The following PSD3 variants were observed in gnomAD, a reference collection of about 807,000 sequenced individuals.
The protein encoded by PSD3 is PH and SEC7 domain-containing protein 3.
Under a neutral mutation model 105.5 loss-of-function variants are expected in PSD3, and 49 were observed. That is an observed-to-expected ratio of 0.46 (90% CI 0.37 to 0.59). The LOEUF (loss-of-function observed/expected upper bound fraction) is 0.59. PSD3 is among the 20% of genes least tolerant of loss of function. The pLI, the probability that PSD3 is intolerant of heterozygous loss-of-function variation, is 0.00. For synonymous variants in PSD3, 557 were observed against 457.8 expected (o/e 1.22, Z -2.77); for missense variants, 1,561 against 1,263.8 (o/e 1.24, Z -3.57).
At chr8:18,958,929 T>TTTC (rs199945573) in intron 1 of PSD3, among the ~76,000 whole-genome samples, 17,380 of 150,226 alleles carry the variant, frequency 0.12, 1,255 homozygotes, top group Non-Finnish European at 0.17. Context: ...GTTTTTTTTT[T>TTTC]TTTTCTTTTG....
chr8:18,826,760 G>C (rs1294385706), intron 4 of PSD3, among the ~76,000 whole-genome samples: 1 of 152,144 alleles, frequency 6.6e-6, no homozygotes. Context: ...AAACACCCAG[G>C]ATCAACTTTC....
At chr8:18,819,805 C>A (rs914168784) in intron 4 of PSD3, among the ~76,000 whole-genome samples, 2 of 152,132 alleles carry the variant, frequency 1.3e-5, no homozygotes, top group African/African-American at 4.8e-5. Flanking sequence ...TCTTGATCTC[C>A]TGACCTCGTG....
chr8:19,051,107 A>G (rs1486565702), intron 1 of PSD3, among the ~76,000 whole-genome samples: 1 of 152,136 alleles, frequency 6.6e-6, no homozygotes, highest in Non-Finnish European at 1.5e-5. Context: ...ACATCTGATC[A>G]TGTCTCACCT....
intron 3 of PSD3, among the ~76,000 whole-genome samples, chr8:18,871,359 TCA>T (rs759711399): frequency 2.0e-5 from 3 of 152,182 alleles, no homozygotes; most frequent in Non-Finnish European, 4.4e-5. Flanking sequence ...AGAAAAGAAT[TCA>T]CAGTTTAGTG....
chr8:18,777,768 C>A (rs1808236371), intron 8 of PSD3, among the ~76,000 whole-genome samples: 2 of 152,148 alleles, frequency 1.3e-5, no homozygotes. Flanking sequence ...TTCCTTCTAA[C>A]TATATGTTTC....
intron 2 of PSD3, among the ~76,000 whole-genome samples, chr8:18,876,914 A>C (rs1817768261): frequency 6.6e-6 from 1 of 152,136 alleles, no homozygotes; most frequent in African/African-American, 2.4e-5. Context: ...TCTCATTTGC[A>C]TTTCCCTAAT....
intron 1 of PSD3, among the ~76,000 whole-genome samples, chr8:18,969,923 T>C (rs572125291): frequency 8.5e-5 from 13 of 152,168 alleles, no homozygotes; most frequent in South Asian, 2.1e-4. Context: ...AAAATACCTA[T>C]AGCTTTAAGA....
At chr8:18,646,959 T>A (rs1339269564) in intron 10 of PSD3, among the ~76,000 whole-genome samples, 1 of 152,188 alleles carries the variant, frequency 6.6e-6, no homozygotes, top group African/African-American at 2.4e-5. Context: ...TTGGGTTGAA[T>A]GAACAATCAA....
At chr8:18,878,843 A>C (rs546801230) in intron 2 of PSD3, among the ~76,000 whole-genome samples, 1 of 152,322 alleles carries the variant, frequency 6.6e-6, no homozygotes, top group African/African-American at 2.4e-5. Flanking sequence ...TTCCAAAGGC[A>C]ATAATGTTTA....
intron 2 of PSD3, chr8:18,924,480 C>G (rs1821236895): frequency 6.6e-6 from 1 of 152,084 alleles, no homozygotes; most frequent in Admixed American, 6.5e-5. Context: ...AATTATAAAC[C>G]AACTTCTATC....
In PSD3 at chr8:18,753,780, C is replaced by G. The variant is rs562241832; in HGVS notation, c.2172+11669G>C. 2.9e-4 allele frequency among the ~76,000 whole-genome samples: 44 copies of G among 152,256 alleles called. No homozygotes were observed. The South Asian group carries it at 8.7e-3, about 30-fold the overall frequency. The stretch of plus-strand genomic sequence containing the variant: ...TTCCAATCTATTTCACACTCCCTGT[C>G]TCCTTAATCAAACCAAGTAAACAAA... On this transcript the variant is annotated intron_variant, in intron 9 of 15. Coordinates refer to ENST00000327040, the MANE Select transcript of PSD3 (RefSeq NM_015310.4).
At position 19,012,949 on chromosome 8, in the gene PSD3, T is replaced by C. The variant is rs1827022562; in HGVS notation, c.21+614A>G. Among the ~76,000 whole-genome samples, 4 of 152,190 alleles carry C rather than the reference T, an allele frequency of 2.6e-5. No individual in the cohort carries two copies. In the South Asian group the frequency reaches 8.3e-4, roughly 32 times the overall value. On this transcript the variant is annotated intron_variant, in intron 1 of 15. Coordinates refer to ENST00000327040, the MANE Select transcript of PSD3 (RefSeq NM_015310.4). ...TCGAGGGGAATGGCAAAACGAAACA[T>C]TTATTATTTAGGTCACCAACAACAT...
At chr8:18,856,492 G>A (rs997925922) in intron 4 of PSD3, among the ~76,000 whole-genome samples, 14 of 152,166 alleles carry the variant, frequency 9.2e-5, no homozygotes, top group Non-Finnish European at 1.6e-4. Context: ...TTAATACTAC[G>A]TGCTGAATCC....
At chr8:18,940,447 T>C (rs1055599845) in intron 1 of PSD3, 8 of 152,218 alleles carry the variant, frequency 5.3e-5, no homozygotes, top group African/African-American at 1.9e-4. Context: ...ACGCTCAGAC[T>C]ATCACAAAAG....
At chr8:19,064,762 C>G (rs535599007) in intron 1 of PSD3, among the ~76,000 whole-genome samples, 1 of 152,146 alleles carries the variant, frequency 6.6e-6, no homozygotes, top group Non-Finnish European at 1.5e-5. Context: ...GAATTAAAAA[C>G]AAGAACTTGC....
At chr8:18,671,645 T>C (rs1262121670) in intron 9 of PSD3, among the ~76,000 whole-genome samples, 1 of 152,084 alleles carries the variant, frequency 6.6e-6, no homozygotes, top group Non-Finnish European at 1.5e-5. Context: ...TTTTGTTTTT[T>C]TTTTTGAGAT....
chr8:18,930,899 C>T (rs1586457364), intron 2 of PSD3, among the ~76,000 whole-genome samples: 1 of 152,170 alleles, frequency 6.6e-6, no homozygotes, highest in East Asian at 1.9e-4. Context: ...GGACCTTTTA[C>T]ATTCCTGCCA....
At chr8:18,845,185 TTC>T (rs1259246892) in intron 4 of PSD3, among the ~76,000 whole-genome samples, 6 of 152,204 alleles carry the variant, frequency 3.9e-5, no homozygotes, top group Admixed American at 2.0e-4. Context: ...TGATTTGAGA[TTC>T]TGTTACTCCA....
chr8:18,782,163 T>C (rs1285756097), intron 8 of PSD3, among the ~76,000 whole-genome samples: 1 of 152,116 alleles, frequency 6.6e-6, no homozygotes, highest in Non-Finnish European at 1.5e-5. Flanking sequence ...AGGTATTTCA[T>C]AGATTTTTTT....
Sources: gnomAD v4.1 joint callset for allele counts (sites outside exome capture counted in the v4.1 genomes callset) on GRCh38, gnomAD v4.1.1 for gene constraint, MANE v1.5 for transcripts, NCBI Gene and HGNC (gene_info 2026-07-23, HGNC 2026-07-21) for gene names.